Variants in ZBTB20 observed in about 807,000 individuals in gnomAD.
ZBTB20 encodes zinc finger and BTB domain containing 20, also known as zinc finger and BTB domain-containing protein 20.
Under a neutral mutation model 56.9 loss-of-function variants are expected in ZBTB20, and 9 were observed. The observed-to-expected ratio is 0.16, with a 90% confidence interval of 0.10 to 0.28. The LOEUF is 0.28. Among genes scored for constraint, ZBTB20 ranks in the 10% least tolerant of loss-of-function variants. The pLI is 1.00. For synonymous variants in ZBTB20, 417 were observed against 420.7 expected (o/e 0.99, Z 0.11); for missense variants, 655 against 1,003.0 (o/e 0.65, Z 4.69).
chr3:115,031,505 C>T (rs1051928795), intron 2 of ZBTB20, among the ~76,000 whole-genome samples: 1 of 151,312 alleles, frequency 6.6e-6, no homozygotes, highest in African/African-American at 2.4e-5. Context: ...CAAAGTTTTC[C>T]AAGGAGCTAT....
chr3:114,593,853 T>A (rs922382206), intron 6 of ZBTB20, among the ~76,000 whole-genome samples: 20 of 152,220 alleles, frequency 1.3e-4, no homozygotes, highest in African/African-American at 4.8e-4. Context: ...CGTAATATAG[T>A]AGATTTTACA....
intron 6 of ZBTB20, among the ~76,000 whole-genome samples, chr3:114,647,578 A>C (rs548947107): frequency 6.6e-6 from 1 of 152,220 alleles, no homozygotes; most frequent in Non-Finnish European, 1.5e-5. Flanking sequence ...GTCAGCCATC[A>C]ATTTAAAATC....
At chr3:114,552,939 C>A (rs2050757422) in intron 6 of ZBTB20, among the ~76,000 whole-genome samples, 1 of 152,120 alleles carries the variant, frequency 6.6e-6, no homozygotes. Flanking sequence ...TATAAATGCA[C>A]AAAAAATAAG....
intron 6 of ZBTB20, among the ~76,000 whole-genome samples, chr3:114,661,818 A>G (rs574848887): frequency 1.3e-5 from 2 of 152,228 alleles, no homozygotes; most frequent in East Asian, 3.9e-4. Flanking sequence ...ACAGAGGCCA[A>G]AATTATTTTC....
intron 6 of ZBTB20, among the ~76,000 whole-genome samples, chr3:114,654,320 A>G (rs967653735): frequency 2.6e-5 from 4 of 151,988 alleles, no homozygotes; most frequent in Non-Finnish European, 5.9e-5. Flanking sequence ...TCAGTTTCAT[A>G]AATTTCAATA....
chr3:114,514,465 C>T (rs532820479), intron 6 of ZBTB20, among the ~76,000 whole-genome samples: 2 of 152,268 alleles, frequency 1.3e-5, no homozygotes, highest in African/African-American at 2.4e-5. Flanking sequence ...GCTTTTCTTA[C>T]GAATACCAGA....
intron 5 of ZBTB20, among the ~76,000 whole-genome samples, chr3:114,707,214 A>C (rs1335924796): frequency 6.6e-6 from 1 of 152,198 alleles, no homozygotes; most frequent in East Asian, 1.9e-4. Flanking sequence ...TGCATTTTCT[A>C]AATGTGTGTA....
intron 3 of ZBTB20, among the ~76,000 whole-genome samples, chr3:114,964,805 G>T (rs1369090777): frequency 1.3e-5 from 2 of 152,242 alleles, no homozygotes; most frequent in Non-Finnish European, 1.5e-5. Flanking sequence ...TATGTAATAT[G>T]AGGGATAGGA....
At chr3:114,839,845 C>A (rs77326959) in intron 4 of ZBTB20, among the ~76,000 whole-genome samples, 2,938 of 152,266 alleles carry the variant, frequency 0.019, 39 homozygotes, top group Non-Finnish European at 0.031. Flanking sequence ...CTGGAGCCAC[C>A]AGAAGCTGGA....
intron 1 of ZBTB20, among the ~76,000 whole-genome samples, chr3:115,140,286 A>C (rs184051234): frequency 6.6e-6 from 1 of 152,178 alleles, no homozygotes; most frequent in East Asian, 1.9e-4. Context: ...AGTTGAATTT[A>C]ATATATGAGA....
At chr3:114,774,484 C>T (rs934206632) in intron 5 of ZBTB20, among the ~76,000 whole-genome samples, 1 of 152,104 alleles carries the variant, frequency 6.6e-6, no homozygotes, top group Non-Finnish European at 1.5e-5. Flanking sequence ...CTTTTGAATA[C>T]CACATTCTGC....
chr3:114,424,569 T>G (rs1384437959), intron 7 of ZBTB20, among the ~76,000 whole-genome samples: 2 of 152,212 alleles, frequency 1.3e-5, no homozygotes, highest in African/African-American at 4.8e-5. Flanking sequence ...CTTGAGCAAT[T>G]TCCAGAATGT....
At chr3:115,108,588 G>A (rs867568062) in intron 1 of ZBTB20, among the ~76,000 whole-genome samples, 1 of 152,216 alleles carries the variant, frequency 6.6e-6, no homozygotes, top group South Asian at 2.1e-4. Flanking sequence ...TTTCAGGAAA[G>A]GATAATGTAT....
intron 3 of ZBTB20, among the ~76,000 whole-genome samples, chr3:114,971,942 C>T (rs1350394978): frequency 5.3e-5 from 8 of 152,144 alleles, no homozygotes; most frequent in African/African-American, 1.7e-4. Context: ...AACAATAAAA[C>T]CTAGAGCCAG....
chr3:114,583,824 T>C (rs753018720), intron 6 of ZBTB20, among the ~76,000 whole-genome samples: 5 of 152,226 alleles, frequency 3.3e-5, no homozygotes, highest in South Asian at 4.1e-4. Context: ...CAGTGCAAAT[T>C]ATTAAAATGA....
intron 5 of ZBTB20, among the ~76,000 whole-genome samples, chr3:114,790,586 T>G (rs2070880809): frequency 6.6e-6 from 1 of 151,784 alleles, no homozygotes; most frequent in South Asian, 2.1e-4. Context: ...AAGAAATCAG[T>G]ATACTTTTTT....
intron 6 of ZBTB20, among the ~76,000 whole-genome samples, chr3:114,651,027 A>G (rs2060100826): frequency 6.6e-6 from 1 of 152,108 alleles, no homozygotes; most frequent in Non-Finnish European, 1.5e-5. Flanking sequence ...GGTTTAAAAA[A>G]TACTTCAAAA....
intron 6 of ZBTB20, among the ~76,000 whole-genome samples, chr3:114,523,582 G>A (rs1375595186): frequency 6.6e-6 from 1 of 152,210 alleles, no homozygotes; most frequent in Non-Finnish European, 1.5e-5. Flanking sequence ...GCATGTGCAA[G>A]AGGAGAGAGA....
chr3:114,532,604 G>A (rs2047982011), intron 6 of ZBTB20, among the ~76,000 whole-genome samples: 1 of 152,228 alleles, frequency 6.6e-6, no homozygotes, highest in African/African-American at 2.4e-5. Flanking sequence ...TCTGAAGAGA[G>A]CAGCAGATCT....
Sources: allele counts gnomAD v4.1 joint callset (sites outside exome capture counted in the v4.1 genomes callset), GRCh38; gene constraint gnomAD v4.1.1; transcripts MANE v1.5; gene names NCBI Gene and HGNC (gene_info 2026-07-23, HGNC 2026-07-21).